CDCA3: variants seen among roughly 807,000 people sequenced by gnomAD.
CDCA3 encodes the protein cell division cycle associated 3, also known as cell division cycle-associated protein 3.
Under a neutral mutation model 29.1 loss-of-function variants are expected in CDCA3, and 16 were observed. The observed-to-expected ratio is 0.55, with a 90% CI of 0.37 to 0.83. The LOEUF is 0.83. Among genes scored for constraint, CDCA3 ranks in the 40% least tolerant of loss-of-function variants. The pLI, the probability that CDCA3 is intolerant of heterozygous loss-of-function variation, is 0.00. For missense variants in CDCA3, 291 were observed against 327.2 expected (o/e 0.89, Z 0.85); for synonymous variants, 88 against 124.5 (o/e 0.71, Z 1.95).
At chr12:6,846,552 G>A (rs1328776647), downstream of CDCA3, 1 of 413,086 alleles carries the variant, frequency 2.4e-6, no homozygotes. Flanking sequence ...CAGTCTCTTA[G>A]CCTTCTTCAG....
chr12:6,849,831 A>C lies in CDCA3; in HGVS notation c.278T>G (p.Leu93Arg). The C allele has an allele frequency of 6.4e-7, 1 of 1,554,990 alleles. No homozygotes were observed. The highest frequency in any genetic ancestry group is 8.7e-7 in the Non-Finnish European group (1 of 1,148,024). The change falls in exon 4 of 6, where the codon CTG (leucine) becomes CGG (arginine). Residue 93 changes from leucine to arginine, a missense_variant. Transcript: ENST00000538862. The surrounding 1 kb of genome is among the most constrained non-coding windows in gnomAD (Gnocchi z 5.2). ...GTCTTCAGTTTCAAATACTTCACTC[A>C]GCTGTTTCACCAGTGGGCTTGGGGG... ...GDPPSPLVKQ[L>R]SEVFETEDSK...
chr12:6,845,702 C>T, downstream of CDCA3: 1 of 1,614,114 alleles, frequency 6.2e-7, no homozygotes, highest in Non-Finnish European at 8.5e-7. Flanking sequence ...TCATCTGCGG[C>T]ATCACGTCCG....
rs782745744 is a variant in CDCA3 at position 6,849,767 on chromosome 12, T to TG, written c.341dup (p.Glu115ArgfsTer7). On this transcript the variant is annotated frameshift_variant, in exon 4 of 6. Coordinates refer to ENST00000538862, the MANE Select transcript of CDCA3 (RefSeq NM_031299.7). LOFTEE classifies it high-confidence loss of function. This position sits in a 1 kb window ranked among gnomAD's most constrained non-coding sequence, Gnocchi z 5.2. ...CCAATTCAGAAGATAAAGGTGCCTC[T>TG]GGGGGCAGAACAGGCTCTGGGGGAA... is the stretch of plus-strand genomic sequence containing the variant. 3.1e-6 allele frequency: 5 copies of TG among 1,611,052 alleles called. No homozygotes were observed. The highest frequency in any genetic ancestry group is 8.5e-7 in the Non-Finnish European group (1 of 1,178,004).
chr12:6,851,166 C>G, intron 1 of CDCA3, 56 bp downstream of exon 1: 1 of 1,375,532 alleles, frequency 7.3e-7, no homozygotes, highest in South Asian at 1.8e-5. Context: ...CAAAATGGCT[C>G]GTTCTGGGCC....
At chr12:6,845,731 G>A, downstream of CDCA3, 2 of 1,614,106 alleles carry the variant, frequency 1.2e-6, no homozygotes, top group Non-Finnish European at 1.7e-6. Flanking sequence ...TCCCTCAGTG[G>A]CCGCCTACTA....
chr12:6,845,874 C>A (rs781818020), downstream of CDCA3: 81 of 1,028,832 alleles, frequency 7.9e-5, no homozygotes, highest in Non-Finnish European at 1.1e-4. Flanking sequence ...CCATTCTGTA[C>A]CCCCCATCAG....
At chr12:6,845,965 A>G (rs1943688876), downstream of CDCA3, 4 of 617,220 alleles carry the variant, frequency 6.5e-6, no homozygotes, top group South Asian at 1.9e-5. Flanking sequence ...TTGGTTCCCA[A>G]CTAGGACTGT....
chr12:6,846,083 C>G, downstream of CDCA3: 2 of 414,338 alleles, frequency 4.8e-6, no homozygotes, highest in Non-Finnish European at 8.8e-6. Flanking sequence ...TTCTGGGTTC[C>G]TGGCATTTCA....
chr12:6,851,231 A>C lies in CDCA3; in HGVS notation c.-67T>G. The C allele has an allele frequency of 1.6e-6, 2 of 1,222,916 alleles. No individual in the cohort carries two copies. The highest frequency in any genetic ancestry group is 4.0e-5 in the East Asian group (1 of 24,942). 75.8% of individuals were successfully genotyped at this position (1,222,916 alleles called of 1,614,324 possible). On this transcript the variant is annotated 5_prime_UTR_variant, in exon 1 of 6. Coordinates refer to ENST00000538862, the MANE Select transcript of CDCA3 (RefSeq NM_031299.7). ...TATTCAAATCACTTACCGGGCCCCA[A>C]TTCCACCTCTGGATGCACAACAGCT...
Position 6,850,270 on chromosome 12 carries a change from G to A in CDCA3, c.250+197C>T, listed in dbSNP as rs759824604. 4 of 671,552 alleles carry A rather than the reference G, an allele frequency of 6.0e-6. No homozygotes were observed. The highest frequency in any genetic ancestry group is 5.7e-5 in the Admixed American group (2 of 35,396). 41.6% of individuals were successfully genotyped at this position (671,552 alleles called of 1,614,324 possible). On this transcript the variant is annotated intron_variant, in intron 3 of 5. Transcript: ENST00000538862. The surrounding 1 kb of genome is among the most constrained non-coding windows in gnomAD (Gnocchi z 4.7). ...TGGGCTCAAGCGATCTGACCACCCC[G>A]GCCTTCCAACGTGCTGGGATTACAG...
At chr12:6,846,938 T>C (rs1174732618), downstream of CDCA3, 1 of 1,154,476 alleles carries the variant, frequency 8.7e-7, no homozygotes, top group Admixed American at 2.0e-5. Context: ...GTGAACACAC[T>C]CAGCAGCCCC....
downstream of CDCA3, chr12:6,846,990 C>T (rs1486808036): frequency 5.0e-5 from 37 of 740,000 alleles, no homozygotes; most frequent in Middle Eastern, 3.5e-4. Context: ...TTCTATATTC[C>T]GGGTGCCATT....
At position 6,850,376 on chromosome 12, in the gene CDCA3, C is replaced by T; in HGVS notation, c.250+91G>A. On this transcript the variant is annotated intron_variant, in intron 3 of 5. Coordinates refer to ENST00000538862, the MANE Select transcript of CDCA3 (RefSeq NM_031299.7). This position sits in a 1 kb window ranked among gnomAD's most constrained non-coding sequence, Gnocchi z 4.7. ...GTCCGAAGCAGGAGGATAGAGGCCCCTTTAAGGAACCCTGAGAGAATGGCT... is the reference window on the plus strand; with the variant it reads ...GTCCGAAGCAGGAGGATAGAGGCCCTTTTAAGGAACCCTGAGAGAATGGCT... 4 of 1,542,870 alleles carry T rather than the reference C, an allele frequency of 2.6e-6. No individual in the cohort carries two copies. Among genetic ancestry groups the T allele is most frequent in the Non-Finnish European group, 3.6e-6 (4 of 1,126,052 alleles).
chr12:6,851,145 G>T, intron 1 of CDCA3, 77 bp downstream of exon 1: 1 of 1,379,174 alleles, frequency 7.3e-7, no homozygotes, highest in Non-Finnish European at 9.4e-7. Context: ...GTTAATGACT[G>T]CTGCAGCTGA....
chr12:6,845,894 C>T (rs1044470016), downstream of CDCA3: 41 of 866,064 alleles, frequency 4.7e-5, no homozygotes, highest in African/African-American at 1.1e-4. Flanking sequence ...GCTCCCATTT[C>T]GGACTCTCTT....
chr12:6,846,800 T>C, downstream of CDCA3: 2 of 1,589,410 alleles, frequency 1.3e-6, no homozygotes, highest in Non-Finnish European at 1.7e-6. Context: ...AGGCATCCTC[T>C]CTGGCCACGA....
chr12:6,848,499 A>G (rs1943749064), downstream of CDCA3: 1 of 152,524 alleles, frequency 6.6e-6, no homozygotes, highest in South Asian at 2.1e-4. Flanking sequence ...ATTCACAAGG[A>G]TAGGGAAGAG....
chr12:6,846,560 C>T (rs1943703129), downstream of CDCA3: 1 of 440,338 alleles, frequency 2.3e-6, no homozygotes, highest in Non-Finnish European at 4.1e-6. Flanking sequence ...TAGCCTTCTT[C>T]AGGGGTTGAG....
Position 6,849,786 on chromosome 12 carries a change from G to A in CDCA3, c.323C>T (p.Pro108Leu). 10 of 1,595,202 alleles carry A rather than the reference G, an allele frequency of 6.3e-6. No individual in the cohort carries two copies. Among genetic ancestry groups the A allele is most frequent in the South Asian group, 1.1e-5 (1 of 89,266 alleles). Residue 108 changes from proline to leucine, a missense_variant, in exon 4 of 6, where the codon CCA becomes CTA. Physicochemically the swap from Pro to Leu is moderately conservative, Grantham distance 98. Transcript: ENST00000538862. This position sits in a 1 kb window ranked among gnomAD's most constrained non-coding sequence, Gnocchi z 5.2. ...TGCCTCTGGGGGCAGAACAGGCTCTGGGGGAAGATTTGATTTAGAGTCTTC... is the reference window on the plus strand; with the variant it reads ...TGCCTCTGGGGGCAGAACAGGCTCTAGGGGAAGATTTGATTTAGAGTCTTC... ...ETEDSKSNLP[P>L]EPVLPPEAPL...
Sources: gnomAD v4.1 joint callset for allele counts on GRCh38, gnomAD v4.1.1 for gene constraint, Gnocchi (gnomAD v3.1) non-coding constraint, MANE v1.5 for transcripts, NCBI Gene and HGNC (gene_info 2026-07-23, HGNC 2026-07-21) for gene names.